Variants in FOXP2 observed in about 807,000 individuals in gnomAD.
The protein encoded by FOXP2 is forkhead box protein P2.
FOXP2 carries 12 observed loss-of-function variants against 115.8 expected under a neutral mutation model. That is an observed-to-expected ratio of 0.10 (90% CI 0.07 to 0.17). The LOEUF (loss-of-function observed/expected upper bound fraction) is 0.17. FOXP2 is among the 10% of genes least tolerant of loss of function. The pLI, the probability that FOXP2 is intolerant of heterozygous loss-of-function variation, is 1.00. For synonymous variants in FOXP2, 328 were observed against 297.7 expected, an observed-to-expected ratio of 1.10 and a Z score of -1.05; for missense variants, 629 against 843.5, an observed-to-expected ratio of 0.75 and a Z score of 3.15.
intron 2 of FOXP2, among the ~76,000 whole-genome samples, chr7:114,488,701 A>C (rs1027210938): frequency 6.6e-6 from 1 of 152,178 alleles, no homozygotes; most frequent in African/African-American, 2.4e-5. Flanking sequence ...TTGGAGTTCA[A>C]GGTTTAAGCT....
chr7:114,124,953 A>G (rs536056848), intron 1 of FOXP2, among the ~76,000 whole-genome samples: 1 of 152,268 alleles, frequency 6.6e-6, no homozygotes, highest in African/African-American at 2.4e-5. Flanking sequence ...AGGACAAGGA[A>G]ACAAGAATAT....
intron 3 of FOXP2, chr7:114,570,761 A>C (rs1222066333): frequency 4.9e-6 from 7 of 1,427,084 alleles, no homozygotes; most frequent in Non-Finnish European, 6.9e-6. Flanking sequence ...CACAAGCCTT[A>C]AGATTGAAAA....
chr7:114,274,991 C>T (rs1796154839), intron 1 of FOXP2, among the ~76,000 whole-genome samples: 1 of 151,928 alleles, frequency 6.6e-6, no homozygotes, highest in South Asian at 2.1e-4. Flanking sequence ...TCTCTCCTTG[C>T]TTGCATGGCT....
chr7:114,285,292 C>T (rs920820020), intron 1 of FOXP2: 13 of 151,938 alleles, frequency 8.6e-5, no homozygotes, highest in African/African-American at 1.9e-4. Context: ...AAATAGCAGC[C>T]CTGTGGCTTG....
chr7:114,388,306 G>C (rs563615618), intron 2 of FOXP2, among the ~76,000 whole-genome samples: 35 of 150,938 alleles, frequency 2.3e-4, no homozygotes, highest in South Asian at 1.9e-3. Context: ...TTTCAATCCT[G>C]TTATATTTCT....
At chr7:114,259,093 T>G (rs1056384060) in intron 1 of FOXP2, among the ~76,000 whole-genome samples, 5 of 152,172 alleles carry the variant, frequency 3.3e-5, no homozygotes, top group Non-Finnish European at 7.4e-5. Flanking sequence ...AGGAATATAT[T>G]CTAAAGTAAT....
intron 2 of FOXP2, among the ~76,000 whole-genome samples, chr7:114,449,771 C>T (rs890399554): frequency 6.6e-6 from 1 of 152,058 alleles, no homozygotes; most frequent in Non-Finnish European, 1.5e-5. Flanking sequence ...GTGTTATATA[C>T]CTTTGAAATT....
At chr7:114,625,500 T>C (rs1158949960) in intron 3 of FOXP2, among the ~76,000 whole-genome samples, 3 of 151,890 alleles carry the variant, frequency 2.0e-5, no homozygotes, top group Non-Finnish European at 4.4e-5. Context: ...ATTTCGTCTA[T>C]TTAAATATTG....
intron 1 of FOXP2, among the ~76,000 whole-genome samples, chr7:114,139,434 T>A (rs1451344943): frequency 6.6e-6 from 1 of 152,142 alleles, no homozygotes; most frequent in Non-Finnish European, 1.5e-5. Context: ...ATATATATAT[T>A]ACATTACATG....
chr7:114,152,085 A>T (rs370632464), intron 1 of FOXP2, among the ~76,000 whole-genome samples: 18 of 152,280 alleles, frequency 1.2e-4, no homozygotes, highest in East Asian at 1.2e-3. Flanking sequence ...CTAAGAAAGT[A>T]GTTATTTTGG....
chr7:114,433,971 G>A (rs1483521657), intron 2 of FOXP2, among the ~76,000 whole-genome samples: 1 of 151,692 alleles, frequency 6.6e-6, no homozygotes, highest in African/African-American at 2.4e-5. Flanking sequence ...AAAGTAATAG[G>A]CATGATATGG....
At chr7:114,442,805 G>A (rs564062584) in intron 2 of FOXP2, among the ~76,000 whole-genome samples, 1 of 152,096 alleles carries the variant, frequency 6.6e-6, no homozygotes, top group Non-Finnish European at 1.5e-5. Context: ...CCTCAATACA[G>A]CTGTTTATAT....
intron 3 of FOXP2, among the ~76,000 whole-genome samples, chr7:114,559,635 C>A (rs1407202378): frequency 6.6e-6 from 1 of 152,186 alleles, no homozygotes; most frequent in Non-Finnish European, 1.5e-5. Flanking sequence ...GTAATCCCAG[C>A]ACTTTGGGAG....
chr7:114,526,991 A>ATTTTT (rs200748852), intron 2 of FOXP2, among the ~76,000 whole-genome samples: 5 of 128,844 alleles, frequency 3.9e-5, no homozygotes, highest in Non-Finnish European at 1.6e-5. Flanking sequence ...CCACTAATCT[A>ATTTTT]TTTTTTTTTT....
chr7:114,575,057 T>C (rs954350102), intron 3 of FOXP2, among the ~76,000 whole-genome samples: 2 of 151,850 alleles, frequency 1.3e-5, no homozygotes, highest in Non-Finnish European at 2.9e-5. Context: ...TTTTTATTTG[T>C]GTTCCAAATT....
At chr7:114,389,498 G>T (rs1792534668) in intron 2 of FOXP2, among the ~76,000 whole-genome samples, 1 of 152,166 alleles carries the variant, frequency 6.6e-6, no homozygotes, top group South Asian at 2.1e-4. Context: ...AAGTAAGAAT[G>T]TCTCCTTTTC....
chr7:114,574,133 C>G (rs1801457182), intron 3 of FOXP2, among the ~76,000 whole-genome samples: 1 of 151,816 alleles, frequency 6.6e-6, no homozygotes, highest in South Asian at 2.1e-4. Context: ...CATTGCAATA[C>G]TGGGCAGTAA....
chr7:114,089,010 CCAAA>C (rs1057348536), intron 1 of FOXP2, among the ~76,000 whole-genome samples: 9 of 152,042 alleles, frequency 5.9e-5, no homozygotes, highest in African/African-American at 9.7e-5. Flanking sequence ...ATCATTAGGG[CCAAA>C]CAATTTCATA....
intron 3 of FOXP2, among the ~76,000 whole-genome samples, chr7:114,549,404 GT>G (rs1800092219): frequency 6.6e-6 from 1 of 152,122 alleles, no homozygotes; most frequent in Non-Finnish European, 1.5e-5. Context: ...GGAATTCTTG[GT>G]TTGGGGGAAT....
Sources: allele counts gnomAD v4.1 joint callset (sites outside exome capture counted in the v4.1 genomes callset), GRCh38; gene constraint gnomAD v4.1.1; transcripts MANE v1.5; gene names NCBI Gene and HGNC (gene_info 2026-07-23, HGNC 2026-07-21).